The following CCDC59 variants were observed in gnomAD, a reference collection of about 807,000 sequenced individuals.
CCDC59 encodes thyroid transcription factor 1-associated protein 26.
A neutral mutation model predicts 30.5 loss-of-function variants in CCDC59; 27 were observed. The ratio of observed to expected loss-of-function variants is 0.89; its 90% CI spans 0.65 to 1.22. The LOEUF (loss-of-function observed/expected upper bound fraction) is 1.22. Ranked by LOEUF, CCDC59 falls within the 50% of genes most tolerant of loss-of-function variation. The probability of loss-of-function intolerance (pLI) is 0.00; values close to 1 mark genes in which losing one functional copy is unlikely to be tolerated. For synonymous variants in CCDC59, 125 were observed against 100.9 expected (o/e 1.24, Z -1.43); for missense variants, 362 against 284.4 (o/e 1.27, Z -1.96).
chr12:82,358,245 G>A lies in CCDC59; in HGVS notation c.132C>T (p.Ala44=). 2 of 1,614,220 alleles carry A rather than the reference G, an allele frequency of 1.2e-6. No homozygotes were observed. The highest frequency in any genetic ancestry group is 1.1e-5 in the South Asian group (1 of 91,084). Residue 44 remains alanine (A), a synonymous_variant, in exon 1 of 4, where the codon GCC becomes GCT. Transcript: ENST00000256151. The part of the protein sequence containing the change: ...QKTWRPNHPQ[A]FVGSVREGQG... ...TACCCTCGCGAACGCTCCCCACGAAGGCTTGCGGGTGGTTAGGCCGCCATG... is the reference window on the plus strand; with the variant it reads ...TACCCTCGCGAACGCTCCCCACGAAAGCTTGCGGGTGGTTAGGCCGCCATG...
Position 82,358,248 on chromosome 12 carries a change from T to G in CCDC59, c.129A>C (p.Gln43His). The change falls in exon 1 of 4, where the codon CAA becomes CAC. Residue 43 changes from glutamine to histidine, a missense_variant. By Grantham distance (24) the Gln-to-His change is conservative (BLOSUM62 0). Coordinates refer to ENST00000256151, the MANE Select transcript of CCDC59 (RefSeq NM_014167.5). Reference protein sequence around the residue: ...RQKTWRPNHPQAFVGSVREGQ... With the variant: ...RQKTWRPNHPHAFVGSVREGQ... ...CCTCGCGAACGCTCCCCACGAAGGCTTGCGGGTGGTTAGGCCGCCATGTCT... is the reference window on the plus strand; with the variant it reads ...CCTCGCGAACGCTCCCCACGAAGGCGTGCGGGTGGTTAGGCCGCCATGTCT... The G allele has an allele frequency of 6.2e-7, 1 of 1,614,230 alleles. No individual in the cohort carries two copies. Among genetic ancestry groups the G allele is most frequent in the South Asian group, 1.1e-5 (1 of 91,082 alleles).
rs758917272 is a variant in CCDC59 at position 82,354,511 on chromosome 12, C to T, written c.548G>A (p.Arg183His). 3.1e-6 allele frequency: 5 copies of T among 1,593,464 alleles called. No individual in the cohort carries two copies. Among genetic ancestry groups the T allele is most frequent in the Admixed American group, 3.4e-5 (2 of 58,208 alleles). The change falls in exon 3 of 4, where the codon CGT becomes CAT. Residue 183 changes from arginine (R) to histidine (H), a missense_variant. Arg to His is a conservative substitution (Grantham distance 29). Transcript: ENST00000256151. ...AGAACTTACTTGTTTCTTAGCAGCA[C>T]GTTTGGCTTGTATCTGTTCATATTC... ...QEEYEQIQAKRAAKKQEFERR... is the reference protein window; with the variant it reads ...QEEYEQIQAKHAAKKQEFERR...
chr12:82,353,423 A>G (rs747598851), intron 3 of CCDC59, 111 bp from the exon 4 acceptor site: 6 of 813,426 alleles, frequency 7.4e-6, no homozygotes, highest in Non-Finnish European at 9.3e-6. Flanking sequence ...TGTCTCTTCT[A>G]TTTTGCAAGA....
chr12:82,356,907 CT>C, intron 2 of CCDC59, 52 bp downstream of exon 2: 3 of 1,390,122 alleles, frequency 2.2e-6, no homozygotes, highest in Non-Finnish European at 3.0e-6. Context: ...TCCTATAGTA[CT>C]TTTAAATAAT....
upstream of CCDC59, chr12:82,358,761 G>GCGT: frequency 6.2e-7 from 1 of 1,614,016 alleles, no homozygotes. Flanking sequence ...GAGGAAGTCA[G>GCGT]CGTCGGAGAC....
At chr12:82,358,194 G>A (rs375423981) in intron 1 of CCDC59, 29 bp downstream of exon 1, 103 of 1,613,734 alleles carry the variant, frequency 6.4e-5, no homozygotes, top group Middle Eastern at 5.0e-4. Context: ...CAAGCCTGAG[G>A]ATTTGCAAAT....
intron 2 of CCDC59, 194 bp from the exon 3 acceptor site, chr12:82,354,788 A>G (rs1483708248): frequency 2.4e-6 from 1 of 409,144 alleles, no homozygotes; most frequent in African/African-American, 2.1e-5. Context: ...AAAACTTTTA[A>G]AAGTAATGAA....
chr12:82,354,503 T>C lies in CCDC59; in HGVS notation c.556A>G (p.Lys186Glu), dbSNP rs762140623. The stretch of plus-strand genomic sequence containing the variant: ...TTCAAAGTAGAACTTACTTGTTTCT[T>C]AGCAGCACGTTTGGCTTGTATCTGT... ...YEQIQAKRAA[K>E]KQEFERRKQE... Residue 186 changes from lysine (K) to glutamate (E), a missense_variant, in exon 3 of 4, where the codon AAG becomes GAG. Coordinates refer to ENST00000256151, the MANE Select transcript of CCDC59 (RefSeq NM_014167.5). 1.9e-6 allele frequency: 3 copies of C among 1,590,770 alleles called. No homozygotes were observed. The highest frequency in any genetic ancestry group is 1.7e-6 in the Non-Finnish European group (2 of 1,168,776).
chr12:82,358,371 C>G lies in CCDC59; in HGVS notation c.6G>C (p.Ala2=). M[A]PVRRSAKWRP... Reference sequence around the variant, plus strand: ...GCCACTTCGCGGACCGCCTCACCGGCGCCATTGCAGCCGACTAACTGCGTC... The same window carrying G: ...GCCACTTCGCGGACCGCCTCACCGGGGCCATTGCAGCCGACTAACTGCGTC... Residue 2 remains alanine, a synonymous_variant, in exon 1 of 4, where the codon GCG becomes GCC. Transcript: ENST00000256151. 1 of 1,613,332 alleles carries G rather than the reference C, an allele frequency of 6.2e-7. No homozygotes were observed. Among genetic ancestry groups the G allele is most frequent in the Non-Finnish European group, 8.5e-7 (1 of 1,180,012 alleles).
chr12:82,358,593 A>T, upstream of CCDC59: 1 of 1,612,514 alleles, frequency 6.2e-7, no homozygotes, highest in Non-Finnish European at 8.5e-7. Flanking sequence ...TCTCCCGGTG[A>T]CCCCGGACCT....
In CCDC59 at chr12:82,352,353, G is replaced by C. The variant is rs1880853237; in HGVS notation, c.*798C>G. ...TATTCAATATTTGGCAAGTATTATTGGTCAGCCCTTTTTGCTTACAATGAC... is the reference window on the plus strand; with the variant it reads ...TATTCAATATTTGGCAAGTATTATTCGTCAGCCCTTTTTGCTTACAATGAC... On this transcript the variant is annotated 3_prime_UTR_variant, in exon 4 of 4. Transcript: ENST00000256151. 6.6e-5 allele frequency: 10 copies of C among 152,142 alleles called. No individual in the cohort carries two copies. The highest frequency in any genetic ancestry group is 6.5e-4 in the Admixed American group (10 of 15,276). 9.4% of individuals were successfully genotyped at this position (152,142 alleles called of 1,614,324 possible). A position where few individuals can be genotyped will look rare whatever the true frequency, so the allele number is the denominator to read the frequency against.
At chr12:82,354,389 C>G (rs903645406) in intron 3 of CCDC59, 106 bp downstream of exon 3, 5 of 565,992 alleles carry the variant, frequency 8.8e-6, no homozygotes, top group African/African-American at 1.9e-5. Context: ...CAAATATTTA[C>G]AGAGAGAATA....
intron 1 of CCDC59, among the ~76,000 whole-genome samples, chr12:82,357,646 A>C (rs1347465126): frequency 5.9e-5 from 9 of 152,230 alleles, no homozygotes; most frequent in Non-Finnish European, 1.2e-4. Flanking sequence ...AGAAAATGCC[A>C]CATCTAGTAT....
At chr12:82,354,157 A>C (rs1161141704) in intron 3 of CCDC59, among the ~76,000 whole-genome samples, 2 of 152,108 alleles carry the variant, frequency 1.3e-5, no homozygotes, top group Admixed American at 1.3e-4. Context: ...AGTGGTTCTC[A>C]AGTTTTATCA....
intron 2 of CCDC59, chr12:82,354,826 G>A: frequency 1.4e-5 from 4 of 283,664 alleles, no homozygotes; most frequent in Non-Finnish European, 2.6e-5. Context: ...AGAAATGCCA[G>A]ACTGAAAAAA....
chr12:82,356,903 A>G lies in CCDC59; in HGVS notation c.464+57T>C, dbSNP rs899656949. ...ACAATTCCTATATAAATTATCCTAT[A>G]GTACTTTTAAATAATAAAACAACAC... On this transcript the variant is annotated intron_variant, in intron 2 of 3. Transcript: ENST00000256151. 5.3e-6 allele frequency: 7 copies of G among 1,312,732 alleles called. No individual in the cohort carries two copies. The African/African-American group carries it at 1.1e-4, about 20-fold the overall frequency. 81.3% of individuals were successfully genotyped at this position (1,312,732 alleles called of 1,614,324 possible).
rs1336122855 is a variant in CCDC59, at chr12:82,352,503, G to A, written c.*648C>T. 1 of 152,226 alleles carries A rather than the reference G, an allele frequency of 6.6e-6. No individual in the cohort carries two copies. The highest frequency in any genetic ancestry group is 1.5e-5 in the Non-Finnish European group (1 of 68,040). 9.4% of individuals were successfully genotyped at this position (152,226 alleles called of 1,614,324 possible). On this transcript the variant is annotated 3_prime_UTR_variant, in exon 4 of 4. Transcript: ENST00000256151. The stretch of plus-strand genomic sequence containing the variant: ...GGGAGACAGAGATAATGTTCTTAAA[G>A]TATAGGGTCCATAGGAACTGGAAAG...
upstream of CCDC59, chr12:82,358,534 T>G (rs1186850112): frequency 6.2e-7 from 1 of 1,602,622 alleles, no homozygotes; most frequent in Non-Finnish European, 8.5e-7. Context: ...CGGCCATGTT[T>G]GCGCCACCTA....
At chr12:82,357,469 A>T (rs1328630993) in intron 1 of CCDC59, 200 bp from the exon 2 acceptor site, 1 of 576,982 alleles carries the variant, frequency 1.7e-6, no homozygotes, top group African/African-American at 1.9e-5. Context: ...CAAAAAGACC[A>T]GGCTAACAGT....
Sources: gnomAD v4.1 joint callset for allele counts (sites outside exome capture counted in the v4.1 genomes callset) on GRCh38, gnomAD v4.1.1 for gene constraint, MANE v1.5 for transcripts, NCBI Gene and HGNC (gene_info 2026-07-23, HGNC 2026-07-21) for gene names.